Variants in MBNL3 observed in about 807,000 individuals in gnomAD.
MBNL3 encodes muscleblind-like protein 3.
A neutral mutation model predicts 24.5 loss-of-function variants in MBNL3; 6 were observed. The observed-to-expected ratio is 0.25, with a 90% CI of 0.13 to 0.48. MBNL3 has a LOEUF of 0.48. MBNL3 is among the 20% of genes least tolerant of loss of function. The pLI, the probability that MBNL3 is intolerant of heterozygous loss-of-function variation, is 0.99. For synonymous variants in MBNL3, 100 were observed against 101.7 expected (o/e 0.98, Z 0.10); for missense variants, 230 against 293.5 (o/e 0.78, Z 1.58).
rs746592879 is a variant in MBNL3 at position 132,439,390 on chromosome X, T to A, written c.177+45A>T. On this transcript the variant is annotated intron_variant, in intron 2 of 8. Coordinates refer to ENST00000370853, the MANE Select transcript of MBNL3 (RefSeq NM_001386889.1). ...AAAGCACATCATATTTCAAAAAACATAGAAATCAACAAATTTAAATTATGT... is the reference window on the plus strand; with the variant it reads ...AAAGCACATCATATTTCAAAAAACAAAGAAATCAACAAATTTAAATTATGT... 3 of 1,090,199 alleles carry A rather than the reference T, an allele frequency of 2.8e-6. No homozygotes were observed. In the South Asian group the frequency reaches 8.2e-5, roughly 30 times the overall value. 89.8% of individuals were successfully genotyped at this position (1,090,199 alleles called of 1,213,427 possible). A position where few individuals can be genotyped will look rare whatever the true frequency, so the allele number is the denominator to read the frequency against.
intron 1 of MBNL3, among the ~76,000 whole-genome samples, chrX:132,474,203 A>T (rs1229173872): frequency 1.8e-5 from 2 of 111,549 alleles, no homozygotes; most frequent in African/African-American, 3.3e-5. Flanking sequence ...TCTATGGTAA[A>T]TTTCCAAATT....
intron 1 of MBNL3, among the ~76,000 whole-genome samples, chrX:132,480,755 C>T (rs551902378): frequency 1.8e-5 from 2 of 111,531 alleles, no homozygotes; most frequent in Admixed American, 1.9e-4. Context: ...GTCCTCTCTC[C>T]GTGGATTTGG....
intron 1 of MBNL3, among the ~76,000 whole-genome samples, chrX:132,445,324 G>A (rs1050700304): frequency 9.1e-6 from 1 of 110,127 alleles, no homozygotes; most frequent in Non-Finnish European, 1.9e-5. Flanking sequence ...TCCCTCACGT[G>A]TTTTCGTTAG....
intron 1 of MBNL3, among the ~76,000 whole-genome samples, chrX:132,446,293 TAC>T (rs1350269370): frequency 8.9e-6 from 1 of 112,169 alleles, no homozygotes; most frequent in Non-Finnish European, 1.9e-5. Flanking sequence ...AGATTTATAA[TAC>T]TTTGGGTATA....
chrX:132,387,530 A>G (rs1212205024), intron 5 of MBNL3, among the ~76,000 whole-genome samples: 1 of 110,961 alleles, frequency 9.0e-6, no homozygotes, highest in Non-Finnish European at 1.9e-5. Context: ...TAAAACTCCA[A>G]TACAGATCTA....
chrX:132,455,716 T>G (rs1275993101), intron 1 of MBNL3, among the ~76,000 whole-genome samples: 7 of 112,229 alleles, frequency 6.2e-5, no homozygotes, highest in Admixed American at 3.8e-4. Context: ...GTTTGTTTTA[T>G]TGACAGCTCA....
chrX:132,382,029 AT>A, intron 8 of MBNL3, 148 bp downstream of exon 8: 1 of 475,700 alleles, frequency 2.1e-6, no homozygotes, highest in Non-Finnish European at 3.5e-6. Flanking sequence ...CACATATAGC[AT>A]TCTAGAATAT....
intron 2 of MBNL3, among the ~76,000 whole-genome samples, chrX:132,419,057 G>A (rs1174981344): frequency 8.8e-6 from 1 of 113,048 alleles, no homozygotes; most frequent in East Asian, 2.8e-4. Flanking sequence ...TTATAGGTGA[G>A]GGCCACTGTA....
chrX:132,401,717 A>G (rs1603185422), intron 3 of MBNL3, among the ~76,000 whole-genome samples: 1 of 111,519 alleles, frequency 9.0e-6, no homozygotes, highest in Admixed American at 9.6e-5. Flanking sequence ...CCCAAGTAAT[A>G]TAATACATTG....
At chrX:132,402,478 A>T (rs747992997) in intron 3 of MBNL3, among the ~76,000 whole-genome samples, 1 of 111,396 alleles carries the variant, frequency 9.0e-6, no homozygotes, top group Non-Finnish European at 1.9e-5. Flanking sequence ...CACTGTGCCT[A>T]CTCTTTCTAA....
At chrX:132,476,930 C>T (rs1164714873) in intron 1 of MBNL3, among the ~76,000 whole-genome samples, 1 of 111,763 alleles carries the variant, frequency 8.9e-6, no homozygotes, top group South Asian at 3.7e-4. Context: ...AAACCCCCCA[C>T]ACCTTATTCA....
chrX:132,416,066 C>T (rs1266339321), intron 2 of MBNL3, among the ~76,000 whole-genome samples: 1 of 110,771 alleles, frequency 9.0e-6, no homozygotes, highest in African/African-American at 3.3e-5. Flanking sequence ...GGTATCTATC[C>T]TAAAGGAAAA....
intron 2 of MBNL3, among the ~76,000 whole-genome samples, chrX:132,435,609 C>T (rs1945075994): frequency 9.0e-6 from 1 of 111,707 alleles, no homozygotes; most frequent in South Asian, 3.7e-4. Flanking sequence ...AGATTCATAT[C>T]GATATGCTTA....
chrX:132,401,470 G>C (rs748128886), intron 3 of MBNL3, among the ~76,000 whole-genome samples: 2 of 109,273 alleles, frequency 1.8e-5, no homozygotes, highest in African/African-American at 6.7e-5. Context: ...ACATTACTGT[G>C]CATGGTGATG....
At chrX:132,479,462 AATC>A (rs772763689) in intron 1 of MBNL3, among the ~76,000 whole-genome samples, 15 of 112,444 alleles carry the variant, frequency 1.3e-4, no homozygotes, top group Non-Finnish European at 1.5e-4. Flanking sequence ...CAAAAATTAA[AATC>A]ATATTTTGAA....
chrX:132,453,367 A>C (rs1251915995), intron 1 of MBNL3, among the ~76,000 whole-genome samples: 1 of 111,906 alleles, frequency 8.9e-6, no homozygotes, highest in Non-Finnish European at 1.9e-5. Flanking sequence ...ACTGTGGAAG[A>C]ACAAAAGGTG....
chrX:132,431,899 A>G (rs188840904), intron 2 of MBNL3: 1 of 111,536 alleles, frequency 9.0e-6, no homozygotes, highest in Admixed American at 9.5e-5. Flanking sequence ...TATCTACTCT[A>G]TATACATTTA....
At chrX:132,481,259 T>C (rs1947718626) in intron 1 of MBNL3, among the ~76,000 whole-genome samples, 1 of 112,209 alleles carries the variant, frequency 8.9e-6, no homozygotes, top group Non-Finnish European at 1.9e-5. Context: ...CAAGGAGGCC[T>C]ATTATATGAT....
At chrX:132,389,648 T>G (rs1412298030) in intron 5 of MBNL3, among the ~76,000 whole-genome samples, 1 of 110,992 alleles carries the variant, frequency 9.0e-6, no homozygotes, top group African/African-American at 3.3e-5. Flanking sequence ...TGAGGTTTCC[T>G]GTGGGTTTTG....
Sources: gnomAD v4.1 joint callset for allele counts (sites outside exome capture counted in the v4.1 genomes callset) on GRCh38, gnomAD v4.1.1 for gene constraint, MANE v1.5 for transcripts, NCBI Gene and HGNC (gene_info 2026-07-23, HGNC 2026-07-21) for gene names.